RAB20: variants seen among roughly 807,000 people sequenced by gnomAD.
RAB20 encodes the protein ras-related protein Rab-20.
A neutral mutation model predicts 3.7 loss-of-function variants in RAB20; 2 were observed. That is an observed-to-expected ratio of 0.54 (90% CI 0.22 to 1.69). The LOEUF is 1.69. Among genes scored for constraint, RAB20 ranks in the 40% most tolerant of loss-of-function variants. The pLI is 0.19. For missense variants in RAB20, 276 were observed against 311.9 expected, an observed-to-expected ratio of 0.88 and a Z score of 0.87; for synonymous variants, 126 against 130.8, an observed-to-expected ratio of 0.96 and a Z score of 0.25.
At chr13:110,558,822 C>G (rs777265970) in intron 1 of RAB20, among the ~76,000 whole-genome samples, 9 of 151,698 alleles carry the variant, frequency 5.9e-5, no homozygotes, top group Non-Finnish European at 1.3e-4. Context: ...CTCAGCCTCC[C>G]GAGTAGCTGG....
At chr13:110,544,472 T>G (rs1884818300) in intron 1 of RAB20, among the ~76,000 whole-genome samples, 1 of 152,250 alleles carries the variant, frequency 6.6e-6, no homozygotes, top group Non-Finnish European at 1.5e-5. Flanking sequence ...TTGCATTGAA[T>G]CTATGAGTGG....
At chr13:110,543,972 A>G (rs1469960358) in intron 1 of RAB20, among the ~76,000 whole-genome samples, 1 of 151,784 alleles carries the variant, frequency 6.6e-6, no homozygotes, top group Admixed American at 6.6e-5. Flanking sequence ...ATGTGGTTTC[A>G]CCTTGTTGGC....
chr13:110,538,550 G>A (rs561207477), intron 1 of RAB20, among the ~76,000 whole-genome samples: 2 of 133,792 alleles, frequency 1.5e-5, no homozygotes, highest in East Asian at 2.4e-4. Context: ...AGGTTGTAGT[G>A]AGCTATGATC....
intron 1 of RAB20, among the ~76,000 whole-genome samples, chr13:110,539,199 C>CAA (rs1432701231): frequency 6.6e-6 from 1 of 152,154 alleles, no homozygotes; most frequent in Non-Finnish European, 1.5e-5. Flanking sequence ...AAAGGGCATT[C>CAA]AAAAACATAG....
intron 1 of RAB20, among the ~76,000 whole-genome samples, chr13:110,547,635 G>T (rs1228515718): frequency 6.6e-6 from 1 of 152,196 alleles, no homozygotes; most frequent in African/African-American, 2.4e-5. Flanking sequence ...GGACAGGTCT[G>T]CCCAGATCAG....
At chr13:110,548,287 C>A (rs1884889293) in intron 1 of RAB20, among the ~76,000 whole-genome samples, 1 of 152,090 alleles carries the variant, frequency 6.6e-6, no homozygotes, top group Non-Finnish European at 1.5e-5. Context: ...AGTTCGAGAC[C>A]AGCCTGGCCA....
intron 1 of RAB20, among the ~76,000 whole-genome samples, chr13:110,531,727 A>G (rs1242668198): frequency 6.6e-6 from 1 of 152,130 alleles, no homozygotes; most frequent in Non-Finnish European, 1.5e-5. Context: ...GGGTCTCATC[A>G]TCCCTCCATT....
chr13:110,523,626 C>G lies in RAB20; in HGVS notation c.*39G>C. The G allele has an allele frequency of 6.3e-7, 1 of 1,595,750 alleles. No homozygotes were observed. Among genetic ancestry groups the G allele is most frequent in the Non-Finnish European group, 8.6e-7 (1 of 1,168,260 alleles). ...CACAGCTTGCCTGGTCAGACCCCTT[C>G]CCAACATGCACAGTCTGAGTCCAGG... On this transcript the variant is annotated 3_prime_UTR_variant, in exon 2 of 2. Coordinates refer to ENST00000267328, the MANE Select transcript of RAB20 (RefSeq NM_017817.3).
intron 1 of RAB20, among the ~76,000 whole-genome samples, chr13:110,525,946 A>G (rs1884422572): frequency 1.3e-5 from 2 of 152,200 alleles, no homozygotes; most frequent in African/African-American, 4.8e-5. Context: ...AATCACCAAC[A>G]AGCAAACCCC....
intron 1 of RAB20, among the ~76,000 whole-genome samples, chr13:110,535,930 C>G (rs1202464690): frequency 6.6e-6 from 1 of 152,240 alleles, no homozygotes; most frequent in Non-Finnish European, 1.5e-5. Context: ...AATATACATT[C>G]AAGTCTTCAT....
intron 1 of RAB20, among the ~76,000 whole-genome samples, chr13:110,544,613 C>G (rs1205657895): frequency 6.6e-6 from 1 of 152,172 alleles, no homozygotes; most frequent in Non-Finnish European, 1.5e-5. Context: ...AGACCTAGGT[C>G]ATAACCAACT....
intron 1 of RAB20, among the ~76,000 whole-genome samples, chr13:110,538,968 T>C (rs1175124390): frequency 6.6e-6 from 1 of 152,220 alleles, no homozygotes; most frequent in Non-Finnish European, 1.5e-5. Flanking sequence ...CAGCCGGATA[T>C]GACTGTGGGA....
intron 1 of RAB20, among the ~76,000 whole-genome samples, chr13:110,548,702 G>T (rs1884898440): frequency 6.6e-6 from 1 of 151,970 alleles, no homozygotes; most frequent in East Asian, 1.9e-4. Context: ...AACCAGCTCA[G>T]TGCCAGGAAG....
chr13:110,561,545 C>T lies in RAB20; in HGVS notation c.-26G>A. 1 of 1,536,808 alleles carries T rather than the reference C, an allele frequency of 6.5e-7. No individual in the cohort carries two copies. The highest frequency in any genetic ancestry group is 8.8e-7 in the Non-Finnish European group (1 of 1,141,818). ...CTTCCCGTAAGAACCCCCAGCGCCCCCGCGCCCTCTCCCCGAGGCTGGCCG... is the reference window on the plus strand; with the variant it reads ...CTTCCCGTAAGAACCCCCAGCGCCCTCGCGCCCTCTCCCCGAGGCTGGCCG... On this transcript the variant is annotated 5_prime_UTR_variant, in exon 1 of 2. Coordinates refer to ENST00000267328, the MANE Select transcript of RAB20 (RefSeq NM_017817.3).
chr13:110,550,423 C>T lies in RAB20; in HGVS notation c.172+10925G>A, dbSNP rs149562332. On this transcript the variant is annotated intron_variant, in intron 1 of 1. Transcript: ENST00000267328. The stretch of plus-strand genomic sequence containing the variant: ...ACCTGAAGCCGGTGGATCAGAAATT[C>T]CAGATGCCTGGAATTGCAACTAGGG... Among the ~76,000 whole-genome samples the T allele has an allele frequency of 4.3e-3, 661 of 152,276 alleles. 4 individuals are homozygous for T. Among genetic ancestry groups the T allele is most frequent in the Middle Eastern group, 6.8e-3 (2 of 294 alleles).
intron 1 of RAB20, among the ~76,000 whole-genome samples, chr13:110,531,065 GCA>G (rs942233836): frequency 2.6e-4 from 39 of 152,238 alleles, no homozygotes; most frequent in African/African-American, 9.2e-4. Flanking sequence ...AGCATGGCCA[GCA>G]CAGTGTGAGT....
intron 1 of RAB20, among the ~76,000 whole-genome samples, chr13:110,550,896 A>G (rs2139588115): frequency 6.6e-6 from 1 of 152,314 alleles, no homozygotes; most frequent in East Asian, 1.9e-4. Context: ...GCTACTAAAG[A>G]AGTTTTTTAG....
intron 1 of RAB20, among the ~76,000 whole-genome samples, chr13:110,539,448 G>A (rs4268628): frequency 0.34 from 51,838 of 151,622 alleles, 9,966 homozygotes; most frequent in African/African-American, 0.52. Context: ...ACTATTTCCA[G>A]TTAACGGAAC....
intron 1 of RAB20, among the ~76,000 whole-genome samples, chr13:110,552,812 T>G (rs1215576255): frequency 6.6e-6 from 1 of 152,110 alleles, no homozygotes; most frequent in Non-Finnish European, 1.5e-5. Flanking sequence ...GTGACTCAGG[T>G]GCTCGTTAAC....
Sources: gnomAD v4.1 joint callset for allele counts (sites outside exome capture counted in the v4.1 genomes callset) on GRCh38, gnomAD v4.1.1 for gene constraint, MANE v1.5 for transcripts, NCBI Gene and HGNC (gene_info 2026-07-23, HGNC 2026-07-21) for gene names.